The following GLB1L variants were observed in gnomAD, a reference collection of about 807,000 sequenced individuals.
GLB1L encodes the protein galactosidase beta 1 like.
In GLB1L, 58 loss-of-function variants were observed where a neutral mutation model predicts 75.7. The ratio of observed to expected loss-of-function variants is 0.77; its 90% CI spans 0.62 to 0.95. The LOEUF is 0.95. Among genes scored for constraint, GLB1L ranks in the 40% least tolerant of loss-of-function variants. The pLI is 0.00. For synonymous variants in GLB1L, 296 were observed against 303.0 expected, an observed-to-expected ratio of 0.98 and a Z score of 0.24; for missense variants, 797 against 805.5, an observed-to-expected ratio of 0.99 and a Z score of 0.13.
Position 219,240,099 on chromosome 2 carries a change from C to T in GLB1L, c.547-5G>A, listed in dbSNP as rs1356918653. The T allele has an allele frequency of 6.2e-7, 1 of 1,614,188 alleles. No homozygotes were observed. Among genetic ancestry groups the T allele is most frequent in the Non-Finnish European group, 8.5e-7 (1 of 1,180,032 alleles). ...GCTACCATATTCATTCTCCACCTGCCAGAGGGGAGGGAAAGTGGAACCCAG... is the reference window on the plus strand; with the variant it reads ...GCTACCATATTCATTCTCCACCTGCTAGAGGGGAGGGAAAGTGGAACCCAG... On this transcript the variant is annotated splice_region_variant and splice_polypyrimidine_tract_variant and intron_variant, in intron 6 of 16. Coordinates refer to ENST00000295759, the MANE Select transcript of GLB1L (RefSeq NM_001286423.2).
rs760726779 is a variant in GLB1L at position 219,237,649 on chromosome 2, C to G, written c.1552G>C (p.Val518Leu). The G allele has an allele frequency of 1.2e-6, 2 of 1,614,182 alleles. No individual in the cohort carries two copies. Among genetic ancestry groups the G allele is most frequent in the South Asian group, 2.2e-5 (2 of 91,086 alleles). Residue 518 changes from valine to leucine, a missense_variant, in exon 16 of 17, where the codon GTG becomes CTG. Val to Leu is a conservative substitution (Grantham distance 32). Transcript: ENST00000295759. ...MMFPLKIDNL[V>L]KWWFPLQLPK... ...AACTGGAGGGGAAACCACCACTTCA[C>G]AAGGTTATCAATTTTCAGAGGGAAC...
chr2:219,237,484 C>G, intron 16 of GLB1L, 28 bp downstream of exon 16: 1 of 1,610,650 alleles, frequency 6.2e-7, no homozygotes, highest in Non-Finnish European at 8.5e-7. Flanking sequence ...TACCTCCCCG[C>G]TACCCAAACC....
chr2:219,238,840 ACT>A, intron 11 of GLB1L, 61 bp from the exon 12 acceptor site: 3 of 1,439,230 alleles, frequency 2.1e-6, no homozygotes, highest in Non-Finnish European at 2.9e-6. Flanking sequence ...CTATTCCAAG[ACT>A]CTAGGGCAGA....
chr2:219,239,870 T>A, intron 7 of GLB1L, 37 bp from the exon 8 acceptor site: 1 of 1,614,176 alleles, frequency 6.2e-7, no homozygotes, highest in Non-Finnish European at 8.5e-7. Context: ...ATAAATGTCG[T>A]GGAAGAGGTG....
intron 4 of GLB1L, 95 bp from the exon 5 acceptor site, chr2:219,242,669 G>A: frequency 6.5e-7 from 1 of 1,535,938 alleles, no homozygotes; most frequent in Non-Finnish European, 9.0e-7. Context: ...GGAAGGAATT[G>A]AATATAGTGC....
At position 219,240,299 on chromosome 2, in the gene GLB1L, C is replaced by A. The variant is rs768796186; in HGVS notation, c.452-14G>T. 113 of 1,603,978 alleles carry A rather than the reference C, an allele frequency of 7.0e-5. No individual in the cohort carries two copies. The highest frequency in any genetic ancestry group is 9.1e-5 in the Non-Finnish European group (107 of 1,170,826). On this transcript the variant is annotated splice_polypyrimidine_tract_variant and intron_variant, in intron 5 of 16. Coordinates refer to ENST00000295759, the MANE Select transcript of GLB1L (RefSeq NM_001286423.2). ...CGGCAAGGAAGTCTAAAGGAAGGAG[C>A]AGAGCTTCTGTGTTAGGTGCTACCA...
chr2:219,237,441 T>C (rs976606358), intron 16 of GLB1L, 71 bp downstream of exon 16: 1 of 1,602,070 alleles, frequency 6.2e-7, no homozygotes, highest in African/African-American at 1.3e-5. Context: ...AGAGGATACT[T>C]TCTGCTCCCC....
chr2:219,238,099 T>A, intron 14 of GLB1L, 142 bp from the exon 15 acceptor site: 1 of 1,062,084 alleles, frequency 9.4e-7, no homozygotes, highest in Non-Finnish European at 1.4e-6. Context: ...ATTCTATCCT[T>A]AATCAAACTC....
chr2:219,241,432 GTGTGTGTGTGTATA>G lies in GLB1L; in HGVS notation c.451+1068_451+1081del, dbSNP rs1299003959. Among the ~76,000 whole-genome samples the G allele has an allele frequency of 5.7e-4, 39 of 68,872 alleles. No homozygotes were observed. In the East Asian group the frequency reaches 6.9e-3, roughly 12 times the overall value. 45.2% of individuals were successfully genotyped at this position (68,872 alleles called of 152,430 possible). On this transcript the variant is annotated intron_variant, in intron 5 of 16. Coordinates refer to ENST00000295759, the MANE Select transcript of GLB1L (RefSeq NM_001286423.2). ...TATATATGTGTGTGTGTGTGTGTGT[GTGTGTGTGTGTATA>G]TATATATATATATATATATACATAC...
intron 1 of GLB1L, 128 bp from the exon 2 acceptor site, chr2:219,243,771 T>C: frequency 1.7e-6 from 1 of 574,996 alleles, no homozygotes. Flanking sequence ...AAAGTGCAGT[T>C]CACGAACCAG....
At chr2:219,242,390 A>ATGAAGGAAACACTTGG in intron 5 of GLB1L, 124 bp downstream of exon 5, 1 of 779,702 alleles carries the variant, frequency 1.3e-6, no homozygotes, top group Non-Finnish European at 2.3e-6. Context: ...CCTGCTGGGC[A>ATGAAGGAAACACTTGG]TGAAGGAAAC....
intron 13 of GLB1L, 51 bp from the exon 14 acceptor site, chr2:219,238,414 CTG>C (rs756553938): frequency 9.0e-6 from 14 of 1,558,924 alleles, no homozygotes; most frequent in Admixed American, 6.9e-5. Context: ...AAAGAGGACA[CTG>C]TGACTATAGC....
In GLB1L at chr2:219,239,703, AGT is replaced by A. The variant is rs1194703390; in HGVS notation, c.781-23_781-22del. 1.9e-6 allele frequency: 3 copies of A among 1,614,012 alleles called. No homozygotes were observed. The African/African-American group carries it at 4.0e-5, about 22-fold the overall frequency. On this transcript the variant is annotated intron_variant, in intron 8 of 16. Transcript: ENST00000295759. ...TTTACCTAGAGTGTGAAATGAAAGG[AGT>A]GTGAGTGAGATGGAACTGAGCTGGA...
At chr2:219,239,875 G>C (rs780062250) in intron 7 of GLB1L, 42 bp from the exon 8 acceptor site, 2 of 1,614,116 alleles carry the variant, frequency 1.2e-6, no homozygotes, top group South Asian at 2.2e-5. Context: ...TGTCGTGGAA[G>C]AGGTGTCCTT....
rs1426866004 is a variant in GLB1L at position 219,241,449 on chromosome 2, TATATATATATATATATAC to T, written c.451+1047_451+1064del. Among the ~76,000 whole-genome samples, 6 of 137,756 alleles carry T rather than the reference TATATATATATATATATAC, an allele frequency of 4.4e-5. 1 individual carries two copies. Among genetic ancestry groups the T allele is most frequent in the Admixed American group, 2.3e-4 (3 of 12,786 alleles). The allele number at this position is 137,756 out of a possible 152,430, so 90.4% of individuals were successfully genotyped here. A position where few individuals can be genotyped will look rare whatever the true frequency, so the allele number is the denominator to read the frequency against. ...GTGTGTGTGTGTGTGTGTGTATATATATATATATATATATATACATACATATATATGTATGTATAGAGA... is the reference window on the plus strand; with the variant it reads ...GTGTGTGTGTGTGTGTGTGTATATATATACATATATATGTATGTATAGAGA... On this transcript the variant is annotated intron_variant, in intron 5 of 16. Coordinates refer to ENST00000295759, the MANE Select transcript of GLB1L (RefSeq NM_001286423.2).
intron 5 of GLB1L, among the ~76,000 whole-genome samples, chr2:219,241,465 T>TATATACACAC (rs1457421471): frequency 7.3e-6 from 1 of 136,540 alleles, no homozygotes; most frequent in Admixed American, 8.2e-5. Flanking sequence ...TATATATATA[T>TATATACACAC]ACATACATAT....
intron 2 of GLB1L, 63 bp downstream of exon 2, chr2:219,243,439 C>G: frequency 6.2e-7 from 1 of 1,604,892 alleles, no homozygotes; most frequent in South Asian, 1.1e-5. Flanking sequence ...TGGACTTTCT[C>G]TCATCCGCTG....
chr2:219,241,431 T>A (rs1951383688), intron 5 of GLB1L, among the ~76,000 whole-genome samples: 1 of 103,140 alleles, frequency 9.7e-6, no homozygotes, highest in African/African-American at 3.7e-5. Context: ...TGTGTGTGTG[T>A]GTGTGTGTGT....
At position 219,245,025 on chromosome 2, in the gene GLB1L, A is replaced by G. The variant is rs148426576; in HGVS notation, c.-71+204T>C. ...CACAGCTAGCATGCTATTAACACTC[A>G]ATTTAGAAACTGGAAGTCTGGTTCA... On this transcript the variant is annotated intron_variant, in intron 1 of 16. Coordinates refer to ENST00000295759, the MANE Select transcript of GLB1L (RefSeq NM_001286423.2). 2.9e-3 allele frequency among the ~76,000 whole-genome samples: 436 copies of G among 152,340 alleles called. 2 individuals carry two copies. The highest frequency in any genetic ancestry group is 0.01 in the African/African-American group (421 of 41,582).
Sources: gnomAD v4.1 joint callset for allele counts (sites outside exome capture counted in the v4.1 genomes callset) on GRCh38, gnomAD v4.1.1 for gene constraint, MANE v1.5 for transcripts, NCBI Gene and HGNC (gene_info 2026-07-23, HGNC 2026-07-21) for gene names.